LRRC20: variants seen among roughly 807,000 people sequenced by gnomAD.
LRRC20 encodes leucine rich repeat containing 20.
In LRRC20, 11 loss-of-function variants were observed where a neutral mutation model predicts 14.4. That is an observed-to-expected ratio of 0.77 (90% CI 0.48 to 1.27). The LOEUF is 1.27. Ranked by LOEUF, LRRC20 falls within the 50% of genes most tolerant of loss-of-function variation. The pLI, the probability that LRRC20 is intolerant of heterozygous loss-of-function variation, is 0.00. For synonymous variants in LRRC20, 121 were observed against 107.3 expected, an observed-to-expected ratio of 1.13 and a Z score of -0.79; for missense variants, 219 against 251.2, an observed-to-expected ratio of 0.87 and a Z score of 0.87.
At chr10:70,305,642 C>T (rs1477299689) in intron 4 of LRRC20, among the ~76,000 whole-genome samples, 1 of 152,186 alleles carries the variant, frequency 6.6e-6, no homozygotes, top group Non-Finnish European at 1.5e-5. Context: ...CTCTTCCCCC[C>T]TCCTTTTTTC....
intron 4 of LRRC20, among the ~76,000 whole-genome samples, chr10:70,322,871 T>A (rs1419303923): frequency 6.6e-6 from 1 of 151,514 alleles, no homozygotes; most frequent in East Asian, 2.0e-4. Flanking sequence ...AGGGTCAGAG[T>A]CCTGCCTGTG....
At chr10:70,342,193 C>A (rs1348738742) in intron 2 of LRRC20, among the ~76,000 whole-genome samples, 1 of 151,980 alleles carries the variant, frequency 6.6e-6, no homozygotes, top group Non-Finnish European at 1.5e-5. Flanking sequence ...GCCTGCAATC[C>A]CAACTACTCG....
intron 2 of LRRC20, among the ~76,000 whole-genome samples, chr10:70,349,026 C>A (rs1213166263): frequency 1.3e-5 from 2 of 151,426 alleles, no homozygotes; most frequent in African/African-American, 4.9e-5. Context: ...GGAAGGGGGG[C>A]CCCACCCAGG....
At chr10:70,367,686 G>A (rs535568053) in intron 2 of LRRC20, among the ~76,000 whole-genome samples, 2 of 152,226 alleles carry the variant, frequency 1.3e-5, no homozygotes, top group Admixed American at 6.5e-5. Context: ...GTGACTCCCA[G>A]GTACCAGGGA....
intron 4 of LRRC20, among the ~76,000 whole-genome samples, chr10:70,307,073 C>T (rs1038592662): frequency 6.6e-6 from 1 of 152,248 alleles, no homozygotes; most frequent in African/African-American, 2.4e-5. Context: ...TGAGCCTTCC[C>T]TGTTCCCAGC....
intron 4 of LRRC20, among the ~76,000 whole-genome samples, chr10:70,306,523 G>A (rs78924603): frequency 1.4e-3 from 217 of 152,198 alleles, no homozygotes; most frequent in Non-Finnish European, 2.9e-3. Context: ...CCGAGACTTC[G>A]CATCCTCAGC....
At chr10:70,304,504 ATATT>A (rs1841343342) in intron 4 of LRRC20, among the ~76,000 whole-genome samples, 1 of 122,938 alleles carries the variant, frequency 8.1e-6, no homozygotes, top group African/African-American at 3.1e-5. Flanking sequence ...ATATATATAT[ATATT>A]TTACTAAGCA....
intron 1 of LRRC20, among the ~76,000 whole-genome samples, chr10:70,377,441 T>A (rs1211797109): frequency 6.6e-6 from 1 of 152,166 alleles, no homozygotes; most frequent in Non-Finnish European, 1.5e-5. Flanking sequence ...AGAGAGGGGC[T>A]AGGTGACCTG....
intron 1 of LRRC20, among the ~76,000 whole-genome samples, chr10:70,379,290 G>A (rs1272780299): frequency 2.0e-5 from 3 of 152,196 alleles, no homozygotes; most frequent in Admixed American, 2.0e-4. Flanking sequence ...TCACCATGCT[G>A]CCTCGAAGAC....
At chr10:70,340,432 G>C (rs1842870273) in intron 3 of LRRC20, 121 bp downstream of exon 3, 1 of 1,175,668 alleles carries the variant, frequency 8.5e-7, no homozygotes, top group Admixed American at 2.1e-5. Context: ...TCAACCCATG[G>C]GAATGATTTC....
At chr10:70,323,408 C>T (rs367724614) in intron 4 of LRRC20, among the ~76,000 whole-genome samples, 55 of 152,224 alleles carry the variant, frequency 3.6e-4, no homozygotes, top group African/African-American at 1.1e-3. Flanking sequence ...CAGGGAGCAG[C>T]GTGTTTGTTC....
At chr10:70,379,525 A>G (rs752284865) in intron 1 of LRRC20, among the ~76,000 whole-genome samples, 1 of 152,202 alleles carries the variant, frequency 6.6e-6, no homozygotes, top group African/African-American at 2.4e-5. Context: ...ACATTTACTG[A>G]GCATCTCCTA....
intron 2 of LRRC20, among the ~76,000 whole-genome samples, chr10:70,367,659 C>T (rs1257513613): frequency 6.6e-6 from 1 of 151,922 alleles, no homozygotes; most frequent in Non-Finnish European, 1.5e-5. Flanking sequence ...AAAACCACAG[C>T]GATGGAAAAG....
chr10:70,304,483 T>TATATATATATATAC (rs1841336272), intron 4 of LRRC20, among the ~76,000 whole-genome samples: 1 of 67,446 alleles, frequency 1.5e-5, no homozygotes. Flanking sequence ...TATATATATA[T>TATATATATATATAC]ATATATATAT....
chr10:70,303,535 A>T (rs1841294281), intron 4 of LRRC20, among the ~76,000 whole-genome samples: 1 of 152,206 alleles, frequency 6.6e-6, no homozygotes, highest in African/African-American at 2.4e-5. Flanking sequence ...CCAAAATTTA[A>T]CGTGTAGAAT....
At chr10:70,356,160 T>C (rs2137079562) in intron 2 of LRRC20, among the ~76,000 whole-genome samples, 1 of 152,344 alleles carries the variant, frequency 6.6e-6, no homozygotes, top group South Asian at 2.1e-4. Context: ...TCAGGCAAGT[T>C]ACTTAACTCC....
chr10:70,325,740 G>C (rs1269726120), intron 3 of LRRC20, among the ~76,000 whole-genome samples: 1 of 152,226 alleles, frequency 6.6e-6, no homozygotes, highest in Non-Finnish European at 1.5e-5. Context: ...TGTCAGGCCT[G>C]AGGGTGGTTG....
At chr10:70,304,485 T>TATATATATATATATATAC (rs1212202490) in intron 4 of LRRC20, among the ~76,000 whole-genome samples, 5 of 103,944 alleles carry the variant, frequency 4.8e-5, no homozygotes, top group African/African-American at 4.2e-5. Context: ...TATATATATA[T>TATATATATATATATATAC]ATATATATAT....
At chr10:70,370,600 A>G (rs1329692720) in intron 2 of LRRC20, among the ~76,000 whole-genome samples, 1 of 152,094 alleles carries the variant, frequency 6.6e-6, no homozygotes, top group Non-Finnish European at 1.5e-5. Flanking sequence ...AAAATTAACC[A>G]GGTGTGGCGG....
Sources: gnomAD v4.1 joint callset for allele counts (sites outside exome capture counted in the v4.1 genomes callset) on GRCh38, gnomAD v4.1.1 for gene constraint, MANE v1.5 for transcripts, NCBI Gene and HGNC (gene_info 2026-07-23, HGNC 2026-07-21) for gene names.